Variants in GBE1 observed in about 807,000 individuals in gnomAD.
The protein encoded by GBE1 is 1,4-alpha-glucan branching enzyme 1, also known as 1,4-alpha-glucan-branching enzyme.
In GBE1, 70 loss-of-function variants were observed where a neutral mutation model predicts 88.8. The ratio of observed to expected loss-of-function variants is 0.79; its 90% CI spans 0.65 to 0.96. The LOEUF (loss-of-function observed/expected upper bound fraction) is 0.96, where lower values mean the gene tolerates loss of function less well. Among genes scored for constraint, GBE1 ranks in the 40% least tolerant of loss-of-function variants. The pLI, the probability that GBE1 is intolerant of heterozygous loss-of-function variation, is 0.00. For missense variants in GBE1, 872 were observed against 871.0 expected, an observed-to-expected ratio of 1.00 and a Z score of -0.01; for synonymous variants, 284 against 300.1, an observed-to-expected ratio of 0.95 and a Z score of 0.56.
chr3:81,491,935 G>A (rs1447706840), intron 15 of GBE1, among the ~76,000 whole-genome samples: 1 of 152,112 alleles, frequency 6.6e-6, no homozygotes, highest in African/African-American at 2.4e-5. Flanking sequence ...TGATACAGCT[G>A]GTTAGTTTTT....
intron 3 of GBE1, among the ~76,000 whole-genome samples, chr3:81,653,592 A>G (rs1346505146): frequency 6.6e-6 from 1 of 152,216 alleles, no homozygotes. Flanking sequence ...TCAAAAAACA[A>G]TAGCCTTGTC....
intron 2 of GBE1, among the ~76,000 whole-genome samples, chr3:81,674,724 T>A (rs1014263458): frequency 2.0e-5 from 3 of 151,892 alleles, no homozygotes; most frequent in Non-Finnish European, 4.4e-5. Flanking sequence ...TCAGAGCCTA[T>A]CTAAAGACAT....
At chr3:81,519,107 T>A (rs1576129546) in intron 14 of GBE1, among the ~76,000 whole-genome samples, 1 of 151,710 alleles carries the variant, frequency 6.6e-6, no homozygotes, top group South Asian at 2.1e-4. Flanking sequence ...TCACCACACT[T>A]CAAAGCCTTC....
At chr3:81,517,045 G>T (rs1702807356) in intron 14 of GBE1, among the ~76,000 whole-genome samples, 1 of 151,458 alleles carries the variant, frequency 6.6e-6, no homozygotes, top group Admixed American at 6.6e-5. Flanking sequence ...CTAAGTGGTG[G>T]GGTTTCAGAG....
chr3:81,742,288 T>TA (rs1254784619), intron 1 of GBE1, among the ~76,000 whole-genome samples: 3 of 152,016 alleles, frequency 2.0e-5, no homozygotes, highest in Non-Finnish European at 2.9e-5. Flanking sequence ...TTGAACGTTA[T>TA]AAAAAAATCA....
chr3:81,692,119 C>T (rs1002190952), intron 2 of GBE1, among the ~76,000 whole-genome samples: 32 of 152,180 alleles, frequency 2.1e-4, no homozygotes, highest in African/African-American at 7.5e-4. Context: ...CCAGGTGATA[C>T]AGAGCCAGGG....
chr3:81,712,593 A>G (rs1177549281), intron 1 of GBE1, among the ~76,000 whole-genome samples: 2 of 151,960 alleles, frequency 1.3e-5, no homozygotes, highest in Non-Finnish European at 2.9e-5. Flanking sequence ...GTGGGAATTG[A>G]ACAATGAGAA....
intron 15 of GBE1, among the ~76,000 whole-genome samples, chr3:81,497,740 G>A (rs1193061466): frequency 6.6e-6 from 1 of 152,112 alleles, no homozygotes; most frequent in Non-Finnish European, 1.5e-5. Context: ...TGAAAGTTCA[G>A]TTTGCTTGCA....
chr3:81,761,495 G>A lies in GBE1; in HGVS notation c.23C>T (p.Ala8Val), dbSNP rs759518868. The A allele has an allele frequency of 8.7e-5, 140 of 1,607,036 alleles. No homozygotes were observed. The highest frequency in any genetic ancestry group is 1.1e-4 in the Non-Finnish European group (134 of 1,177,692). MAAPMTP[A>V]ARPEDYEAAL... is the part of the protein sequence containing the mutation. ...CGCCTCGTAGTCCTCGGGCCGAGCC[G>A]CGGGAGTCATCGGAGCCGCCATATT... The change falls in exon 1 of 16, where the codon GCG becomes GTG. Residue 8 changes from alanine to valine, a missense_variant. By Grantham distance (64) the Ala-to-Val change is moderately conservative. Transcript: ENST00000429644.
chr3:81,576,625 T>G (rs79708429), intron 12 of GBE1, among the ~76,000 whole-genome samples: 2,047 of 152,212 alleles, frequency 0.013, 52 homozygotes, highest in African/African-American at 0.047. Context: ...CCATTGCTTT[T>G]AAGGAACTAA....
At chr3:81,615,065 C>G (rs1437240673) in intron 7 of GBE1, among the ~76,000 whole-genome samples, 1 of 151,802 alleles carries the variant, frequency 6.6e-6, no homozygotes, top group Non-Finnish European at 1.5e-5. Flanking sequence ...AATAAAGAAT[C>G]TATTTGAAAA....
chr3:81,677,305 G>C (rs975068474), intron 2 of GBE1, among the ~76,000 whole-genome samples: 1 of 152,058 alleles, frequency 6.6e-6, no homozygotes, highest in Non-Finnish European at 1.5e-5. Flanking sequence ...CAATAGGCGA[G>C]GCTAATATAC....
chr3:81,621,565 C>A (rs1276130681), intron 7 of GBE1, among the ~76,000 whole-genome samples: 1 of 152,102 alleles, frequency 6.6e-6, no homozygotes, highest in African/African-American at 2.4e-5. Context: ...AATTCTTCAC[C>A]CCCCAACAGA....
chr3:81,526,104 G>C (rs1395137303), intron 14 of GBE1, among the ~76,000 whole-genome samples: 1 of 151,914 alleles, frequency 6.6e-6, no homozygotes, highest in Non-Finnish European at 1.5e-5. Flanking sequence ...TGCTTCTCTA[G>C]TTCTTTTAAT....
intron 1 of GBE1, among the ~76,000 whole-genome samples, chr3:81,750,565 A>ATATATATATG (rs1559708432): frequency 3.6e-4 from 23 of 63,672 alleles, no homozygotes; most frequent in African/African-American, 1.3e-3. Flanking sequence ...ATATATATGT[A>ATATATATATG]TATATATATA....
At chr3:81,593,513 AT>A (rs1276960726) in intron 8 of GBE1, among the ~76,000 whole-genome samples, 29 of 151,772 alleles carry the variant, frequency 1.9e-4, no homozygotes, top group Admixed American at 1.7e-3. Context: ...TTATAATTTA[AT>A]TTTAACCAGG....
intron 3 of GBE1, among the ~76,000 whole-genome samples, chr3:81,656,119 G>A (rs1381202441): frequency 6.6e-6 from 1 of 152,138 alleles, no homozygotes; most frequent in Non-Finnish European, 1.5e-5. Context: ...CTTTGCCATT[G>A]TGTGAGGCTG....
chr3:81,738,497 T>C (rs1706303223), intron 1 of GBE1, among the ~76,000 whole-genome samples: 2 of 151,954 alleles, frequency 1.3e-5, no homozygotes, highest in Admixed American at 1.3e-4. Flanking sequence ...ATTTCTCTGA[T>C]GGCCAGTGAT....
intron 7 of GBE1, among the ~76,000 whole-genome samples, chr3:81,611,280 A>G (rs1387874791): frequency 6.6e-6 from 1 of 152,184 alleles, no homozygotes; most frequent in Non-Finnish European, 1.5e-5. Context: ...ATAATATGAA[A>G]AGTCAGAACT....
Sources: gnomAD v4.1 joint callset for allele counts (sites outside exome capture counted in the v4.1 genomes callset) on GRCh38, gnomAD v4.1.1 for gene constraint, MANE v1.5 for transcripts, NCBI Gene and HGNC (gene_info 2026-07-23, HGNC 2026-07-21) for gene names.